Variants in UBE2G1 observed in about 807,000 individuals in gnomAD.
The protein encoded by UBE2G1 is ubiquitin conjugating enzyme E2 G1, also known as ubiquitin-conjugating enzyme E2 G1.
Under a neutral mutation model 22.7 loss-of-function variants are expected in UBE2G1, and 5 were observed. The observed-to-expected ratio is 0.22, with a 90% confidence interval of 0.12 to 0.46. The LOEUF is 0.46. Ranked by LOEUF, UBE2G1 falls within the 20% of genes least tolerant of loss-of-function variation. The pLI is 0.99. For missense variants in UBE2G1, 88 were observed against 203.9 expected (o/e 0.43, Z 3.46); for synonymous variants, 74 against 67.5 (o/e 1.10, Z -0.47).
intron 5 of UBE2G1, among the ~76,000 whole-genome samples, chr17:4,276,329 C>T (rs1459353820): frequency 1.3e-5 from 2 of 152,024 alleles, no homozygotes; most frequent in Admixed American, 1.3e-4. Flanking sequence ...CGCACACCAC[C>T]GTACTGGCTA....
intron 1 of UBE2G1, among the ~76,000 whole-genome samples, chr17:4,330,153 G>C (rs183749886): frequency 1.5e-4 from 23 of 152,130 alleles, no homozygotes; most frequent in Non-Finnish European, 2.8e-4. Context: ...TACATTCATG[G>C]AAGTGTCTAA....
intron 1 of UBE2G1, among the ~76,000 whole-genome samples, chr17:4,334,844 TA>T (rs1969625508): frequency 6.6e-6 from 1 of 152,116 alleles, no homozygotes; most frequent in African/African-American, 2.4e-5. Context: ...TACTGTTAAG[TA>T]AAAGTTTTTT....
rs1435662522 is a variant in UBE2G1 at position 4,365,364 on chromosome 17, G to A, written c.46+907C>T. Among the ~76,000 whole-genome samples the A allele has an allele frequency of 2.0e-5, 3 of 152,152 alleles. No individual in the cohort carries two copies. In the East Asian group the frequency reaches 5.8e-4, roughly 29 times the overall value. ...GACGTCTCCACTGCGCATGCTCCGC[G>A]CACACAGTCCTAGCAGAGTAGGAGC... On this transcript the variant is annotated intron_variant, in intron 1 of 5. Coordinates refer to ENST00000396981, the MANE Select transcript of UBE2G1 (RefSeq NM_003342.5).
intron 1 of UBE2G1, among the ~76,000 whole-genome samples, chr17:4,351,471 A>C (rs1025726235): frequency 6.6e-6 from 1 of 152,192 alleles, no homozygotes; most frequent in African/African-American, 2.4e-5. Context: ...CCATTTGGCA[A>C]ATGCTCAGGG....
At chr17:4,361,397 A>C (rs990831645) in intron 1 of UBE2G1, among the ~76,000 whole-genome samples, 1 of 151,912 alleles carries the variant, frequency 6.6e-6, no homozygotes, top group Non-Finnish European at 1.5e-5. Context: ...CATGGTGGCC[A>C]GCACCTGTAA....
Position 4,327,307 on chromosome 17 carries a change from C to A in UBE2G1, c.47-20184G>T, listed in dbSNP as rs535178251. ...GCAAGACTCTGTCTCAAAAAAAATA[C>A]AAAAATACAAAAATAGCCGTAGTGG... On this transcript the variant is annotated intron_variant, in intron 1 of 5. Transcript: ENST00000396981. Among the ~76,000 whole-genome samples, 224 of 150,496 alleles carry A rather than the reference C, an allele frequency of 1.5e-3. 6 individuals carry two copies. The East Asian group carries it at 0.034, about 23-fold the overall frequency.
At chr17:4,356,324 C>T (rs1049602356) in intron 1 of UBE2G1, among the ~76,000 whole-genome samples, 5 of 151,740 alleles carry the variant, frequency 3.3e-5, no homozygotes, top group African/African-American at 1.2e-4. Context: ...TGCTACTGCA[C>T]TTCAGCCTGG....
At chr17:4,348,788 G>C (rs1009917079) in intron 1 of UBE2G1, among the ~76,000 whole-genome samples, 1 of 151,636 alleles carries the variant, frequency 6.6e-6, no homozygotes, top group East Asian at 1.9e-4. Context: ...TTGAACCTGG[G>C]AGGCAGAGGT....
chr17:4,342,081 A>G (rs190814425), intron 1 of UBE2G1, among the ~76,000 whole-genome samples: 11 of 152,316 alleles, frequency 7.2e-5, no homozygotes, highest in East Asian at 1.9e-4. Context: ...TTCCCACTTT[A>G]TATCTCTAAG....
intron 5 of UBE2G1, among the ~76,000 whole-genome samples, chr17:4,280,829 T>G (rs1408112725): frequency 6.6e-6 from 1 of 152,050 alleles, no homozygotes; most frequent in East Asian, 1.9e-4. Context: ...GAGATGGGGT[T>G]TCACCATATT....
chr17:4,315,471 TGGCTC>T (rs1441860472), intron 1 of UBE2G1, among the ~76,000 whole-genome samples: 1 of 152,112 alleles, frequency 6.6e-6, no homozygotes, highest in African/African-American at 2.4e-5. Context: ...CCGGGCGCTG[TGGCTC>T]GCGCCTGTAA....
intron 2 of UBE2G1, among the ~76,000 whole-genome samples, chr17:4,306,066 G>A (rs1969245912): frequency 6.6e-6 from 1 of 152,138 alleles, no homozygotes; most frequent in African/African-American, 2.4e-5. Flanking sequence ...TTATCATAGA[G>A]CATAACAATA....
intron 1 of UBE2G1, among the ~76,000 whole-genome samples, chr17:4,323,734 A>T (rs1271460255): frequency 6.6e-6 from 1 of 152,138 alleles, no homozygotes; most frequent in African/African-American, 2.4e-5. Flanking sequence ...TTTTTTGTAG[A>T]GGCAGGGTTT....
intron 1 of UBE2G1, among the ~76,000 whole-genome samples, chr17:4,332,958 A>G (rs1221875390): frequency 6.6e-6 from 1 of 152,140 alleles, no homozygotes; most frequent in Admixed American, 6.6e-5. Context: ...TACCCTAACT[A>G]CAAAGCAAGC....
chr17:4,312,228 G>C (rs1307482372), intron 1 of UBE2G1, among the ~76,000 whole-genome samples: 1 of 147,788 alleles, frequency 6.8e-6, no homozygotes, highest in Non-Finnish European at 1.5e-5. Flanking sequence ...GTGAAACTCC[G>C]ACTCAAAAAA....
intron 1 of UBE2G1, among the ~76,000 whole-genome samples, chr17:4,324,272 C>T (rs372430245): frequency 2.6e-4 from 39 of 152,274 alleles, no homozygotes; most frequent in African/African-American, 8.9e-4. Flanking sequence ...AGCCACTAGT[C>T]GCATGTGGCT....
intron 2 of UBE2G1, among the ~76,000 whole-genome samples, chr17:4,300,946 A>AAAG (rs796280810): frequency 0.024 from 3,576 of 151,542 alleles, 145 homozygotes; most frequent in African/African-American, 0.082. Context: ...ACAAAAAAAA[A>AAAG]AGAGAGAGAG....
rs1313782301 is a variant in UBE2G1, at chr17:4,329,216, T to C, written c.47-22093A>G. On this transcript the variant is annotated intron_variant, in intron 1 of 5. Transcript: ENST00000396981. ...GAGTTCAAGACCAGCCTGGGCAACA[T>C]GGTGAAACCCCGTCTCTACAAAAAT... Among the ~76,000 whole-genome samples, 4 of 148,272 alleles carry C rather than the reference T, an allele frequency of 2.7e-5. No individual in the cohort carries two copies. In the East Asian group the frequency reaches 6.0e-4, roughly 22 times the overall value.
chr17:4,303,440 A>G (rs1051026741), intron 2 of UBE2G1, among the ~76,000 whole-genome samples: 1 of 152,194 alleles, frequency 6.6e-6, no homozygotes, highest in Non-Finnish European at 1.5e-5. Flanking sequence ...CATTTGAAAC[A>G]TTTCCTAAGC....
Sources: gnomAD v4.1 joint callset for allele counts (sites outside exome capture counted in the v4.1 genomes callset) on GRCh38, gnomAD v4.1.1 for gene constraint, MANE v1.5 for transcripts, NCBI Gene and HGNC (gene_info 2026-07-23, HGNC 2026-07-21) for gene names.